The following MME variants were observed in gnomAD, a reference collection of about 807,000 sequenced individuals.
MME encodes membrane metalloendopeptidase.
MME carries 98 observed loss-of-function variants against 113.2 expected under a neutral mutation model. That is an observed-to-expected ratio of 0.87 (90% CI 0.74 to 1.02). The LOEUF (loss-of-function observed/expected upper bound fraction) is 1.02, where lower values mean the gene tolerates loss of function less well. MME is among the 50% of genes least tolerant of loss of function. The pLI, the probability that MME is intolerant of heterozygous loss-of-function variation, is 0.00. For synonymous variants in MME, 292 were observed against 300.6 expected (o/e 0.97, Z 0.30); for missense variants, 836 against 896.0 (o/e 0.93, Z 0.86).
chr3:155,142,734 G>A (rs16824596), intron 12 of MME, among the ~76,000 whole-genome samples: 1 of 152,074 alleles, frequency 6.6e-6, no homozygotes, highest in Admixed American at 6.6e-5. Flanking sequence ...GCAGTCTATT[G>A]AAAGTACCCC....
intron 1 of MME, chr3:155,081,214 T>C (rs1715114528): frequency 6.6e-6 from 1 of 152,226 alleles, no homozygotes; most frequent in Non-Finnish European, 1.5e-5. Context: ...TATAAGTTAA[T>C]GTTATAATGT....
Position 155,144,402 on chromosome 3 carries a change from C to T in MME, c.1361C>T (p.Thr454Ile). Reference sequence around the variant, plus strand: ...CAGATCCGAGAAGTTTTTATTCAGACTTTAGATGACCTCACTTGGATGGAT... The same window carrying T: ...CAGATCCGAGAAGTTTTTATTCAGATTTTAGATGACCTCACTTGGATGGAT... The part of the protein sequence containing the change: ...IAQIREVFIQ[T>I]LDDLTWMDAE... Residue 454 changes from threonine (T) to isoleucine (I), a missense_variant, in exon 14 of 23, where the codon ACT becomes ATT. Transcript: ENST00000360490. The T allele has an allele frequency of 6.2e-7, 1 of 1,613,114 alleles. No homozygotes were observed. The highest frequency in any genetic ancestry group is 8.5e-7 in the Non-Finnish European group (1 of 1,179,404).
chr3:155,030,948 A>G (rs1443706099), intron 1 of MME, among the ~76,000 whole-genome samples: 1 of 152,242 alleles, frequency 6.6e-6, no homozygotes, highest in African/African-American at 2.4e-5. Flanking sequence ...TGAATAATTT[A>G]AAACAAATAA....
chr3:155,150,583 G>T (rs866355553), intron 16 of MME, among the ~76,000 whole-genome samples: 1 of 152,070 alleles, frequency 6.6e-6, no homozygotes, highest in African/African-American at 2.4e-5. Flanking sequence ...AACTCTAGCT[G>T]CACATGATAA....
At chr3:155,060,736 T>C (rs1283719103) in intron 1 of MME, among the ~76,000 whole-genome samples, 1 of 139,378 alleles carries the variant, frequency 7.2e-6, no homozygotes, top group Non-Finnish European at 1.5e-5. Flanking sequence ...AAGTCTGTAA[T>C]CACAGTGCCA....
At chr3:155,134,050 A>G (rs1720423057) in intron 8 of MME, among the ~76,000 whole-genome samples, 1 of 152,008 alleles carries the variant, frequency 6.6e-6, no homozygotes, top group Non-Finnish European at 1.5e-5. Flanking sequence ...ATTACCTTAA[A>G]TAGAAAAAAA....
chr3:155,147,460 G>A (rs1238231800), intron 15 of MME, among the ~76,000 whole-genome samples: 2 of 152,078 alleles, frequency 1.3e-5, no homozygotes, highest in African/African-American at 2.4e-5. Context: ...TTTAAGAACC[G>A]TAAGTAAAAT....
In MME at chr3:155,084,204, A is replaced by T. The variant is rs766220341; in HGVS notation, c.37A>T (p.Ile13Phe). The T allele has an allele frequency of 6.2e-7, 1 of 1,614,166 alleles. No homozygotes were observed. ...KSESQMDITD[I>F]NTPKPKKKQR... The stretch of plus-strand genomic sequence containing the variant: ...AGAAAGTCAGATGGATATAACTGAT[A>T]TCAACACTCCAAAGCCAAAGAAGAA... The change falls in exon 2 of 23, where the codon ATC becomes TTC. Residue 13 changes from isoleucine to phenylalanine, a missense_variant. Ile to Phe is a conservative substitution (Grantham distance 21, BLOSUM62 0). Transcript: ENST00000360490.
At chr3:155,050,971 A>G (rs1713742895) in intron 1 of MME, among the ~76,000 whole-genome samples, 1 of 152,212 alleles carries the variant, frequency 6.6e-6, no homozygotes, top group African/African-American at 2.4e-5. Flanking sequence ...AGCAAAACAC[A>G]TAAGTGATTA....
chr3:155,164,434 G>A (rs1284331595), intron 17 of MME, among the ~76,000 whole-genome samples: 1 of 152,144 alleles, frequency 6.6e-6, no homozygotes, highest in Non-Finnish European at 1.5e-5. Flanking sequence ...CTAGGTAACA[G>A]CAATAAGGCT....
intron 1 of MME, among the ~76,000 whole-genome samples, chr3:155,033,437 A>G (rs556981710): frequency 2.7e-4 from 41 of 152,238 alleles, no homozygotes; most frequent in Middle Eastern, 6.8e-3. Flanking sequence ...ACTGTTTTCT[A>G]TTCATTCAAA....
intron 8 of MME, among the ~76,000 whole-genome samples, chr3:155,126,314 T>A (rs150206882): frequency 1.3e-5 from 2 of 151,212 alleles, no homozygotes; most frequent in African/African-American, 4.9e-5. Context: ...TTATATCAAA[T>A]TTTTCAAATC....
chr3:155,089,169 G>A (rs1474660515), intron 3 of MME, among the ~76,000 whole-genome samples: 1 of 152,102 alleles, frequency 6.6e-6, no homozygotes, highest in Non-Finnish European at 1.5e-5. Context: ...TACCACTTAA[G>A]AAATAACAAC....
intron 3 of MME, among the ~76,000 whole-genome samples, chr3:155,107,289 G>T (rs1433872658): frequency 6.6e-6 from 1 of 150,584 alleles, no homozygotes. Context: ...GGAGGTGGAG[G>T]TTGCAGTGAG....
chr3:155,041,231 C>T (rs1327040179), intron 1 of MME, among the ~76,000 whole-genome samples: 40 of 152,106 alleles, frequency 2.6e-4, no homozygotes, highest in Admixed American at 2.6e-3. Flanking sequence ...CCCCTGTAGA[C>T]CTGTTTTCAT....
upstream of MME, among the ~76,000 whole-genome samples, chr3:155,076,461 C>T (rs1361324589): frequency 1.3e-5 from 2 of 152,140 alleles, no homozygotes; most frequent in Non-Finnish European, 2.9e-5. Context: ...ATAGATACCA[C>T]CAGGACAGCT....
upstream of MME, among the ~76,000 whole-genome samples, chr3:155,079,088 A>C (rs975948764): frequency 2.6e-5 from 4 of 152,122 alleles, no homozygotes; most frequent in Admixed American, 2.6e-4. Context: ...GTTTCAGTTC[A>C]GATCTTGACA....
At chr3:155,069,137 G>A (rs986895426) in intron 1 of MME, among the ~76,000 whole-genome samples, 1 of 152,140 alleles carries the variant, frequency 6.6e-6, no homozygotes, top group African/African-American at 2.4e-5. Context: ...AATTTTTGTA[G>A]GTTTGGGAGT....
Position 155,061,300 on chromosome 3 carries a change from A to C in MME, c.-10-22858A>C, listed in dbSNP as rs189301926. Among the ~76,000 whole-genome samples, 789 of 151,980 alleles carry C rather than the reference A, an allele frequency of 5.2e-3. 4 individuals are homozygous for C. Among genetic ancestry groups the C allele is most frequent in the South Asian group, 0.031 (150 of 4,808 alleles). Reference sequence around the variant, plus strand: ...ACCCGTCTCTACTAAAAATACAAAAAATTAGCTGGGCGTGGTGGCAGGAGC... The same window carrying C: ...ACCCGTCTCTACTAAAAATACAAAACATTAGCTGGGCGTGGTGGCAGGAGC... On this transcript the variant is annotated intron_variant, in intron 1 of 22. Transcript: ENST00000492661.
Sources: gnomAD v4.1 joint callset for allele counts (sites outside exome capture counted in the v4.1 genomes callset) on GRCh38, gnomAD v4.1.1 for gene constraint, MANE v1.5 for transcripts, NCBI Gene and HGNC (gene_info 2026-07-23, HGNC 2026-07-21) for gene names.